The following HECW2 variants were observed in gnomAD, a reference collection of about 807,000 sequenced individuals.
HECW2 encodes HECT, C2 and WW domain containing E3 ubiquitin protein ligase 2, also known as E3 ubiquitin-protein ligase HECW2.
HECW2 carries 61 observed loss-of-function variants against 175.2 expected under a neutral mutation model. The observed-to-expected ratio is 0.35, with a 90% confidence interval of 0.28 to 0.43. The LOEUF (loss-of-function observed/expected upper bound fraction) is 0.43, where lower values mean the gene tolerates loss of function less well. HECW2 is among the 20% of genes least tolerant of loss of function. The pLI is 1.00. For missense variants in HECW2, 1,524 were observed against 2,000.5 expected, an observed-to-expected ratio of 0.76 and a Z score of 4.54; for synonymous variants, 671 against 731.0, an observed-to-expected ratio of 0.92 and a Z score of 1.32.
intron 14 of HECW2, among the ~76,000 whole-genome samples, chr2:196,280,138 T>C (rs772385883): frequency 6.6e-6 from 1 of 152,172 alleles, no homozygotes; most frequent in Non-Finnish European, 1.5e-5. Context: ...CATGATCAGA[T>C]AGTTAATTAG....
At chr2:196,560,852 T>C (rs1689976547) in intron 1 of HECW2, among the ~76,000 whole-genome samples, 1 of 152,216 alleles carries the variant, frequency 6.6e-6, no homozygotes, top group South Asian at 2.1e-4. Context: ...CCTATGCTTG[T>C]CTTTACTTTA....
intron 2 of HECW2, among the ~76,000 whole-genome samples, chr2:196,406,570 C>T (rs990631663): frequency 6.6e-6 from 1 of 152,216 alleles, no homozygotes; most frequent in Non-Finnish European, 1.5e-5. Context: ...AAATCCTGGT[C>T]TCCACTGTAC....
intron 1 of HECW2, among the ~76,000 whole-genome samples, chr2:196,518,311 A>G (rs1688221707): frequency 1.3e-5 from 2 of 152,204 alleles, no homozygotes; most frequent in African/African-American, 4.8e-5. Context: ...ATAAGATAAG[A>G]GCTAAGTAAT....
intron 10 of HECW2, among the ~76,000 whole-genome samples, chr2:196,311,846 C>A (rs1389336809): frequency 2.6e-5 from 4 of 152,042 alleles, no homozygotes; most frequent in Non-Finnish European, 4.4e-5. Flanking sequence ...TGCCTAAAAT[C>A]CAGGTGCAAG....
intron 13 of HECW2, among the ~76,000 whole-genome samples, chr2:196,296,521 T>C (rs1395817894): frequency 6.6e-6 from 1 of 152,214 alleles, no homozygotes; most frequent in African/African-American, 2.4e-5. Flanking sequence ...TTTTAGTCTT[T>C]GAAGATCCTG....
At chr2:196,325,553 G>A (rs1692119392) in intron 5 of HECW2, among the ~76,000 whole-genome samples, 1 of 152,106 alleles carries the variant, frequency 6.6e-6, no homozygotes, top group African/African-American at 2.4e-5. Flanking sequence ...ATGTAATTCG[G>A]CAACCAGAAT....
intron 17 of HECW2, among the ~76,000 whole-genome samples, chr2:196,261,951 T>C (rs570410689): frequency 1.3e-5 from 2 of 152,352 alleles, no homozygotes; most frequent in South Asian, 4.1e-4. Context: ...GTTTGAGAAA[T>C]GTTGTTAAAG....
intron 17 of HECW2, chr2:196,260,348 A>G (rs897367105): frequency 6.6e-6 from 1 of 152,186 alleles, no homozygotes; most frequent in Non-Finnish European, 1.5e-5. Context: ...ACACTGGAAC[A>G]TGTCGTCTGA....
At chr2:196,577,731 CTG>C (rs1183158523) in intron 1 of HECW2, among the ~76,000 whole-genome samples, 3 of 152,176 alleles carry the variant, frequency 2.0e-5, no homozygotes, top group Non-Finnish European at 4.4e-5. Context: ...TCAGCAATGA[CTG>C]AGATTTACTA....
chr2:196,231,507 G>C (rs1688055623), intron 21 of HECW2, among the ~76,000 whole-genome samples: 1 of 152,170 alleles, frequency 6.6e-6, no homozygotes, highest in Non-Finnish European at 1.5e-5. Flanking sequence ...AGTGTTACTG[G>C]AACACAGCTG....
At chr2:196,456,743 C>T (rs576575519) in intron 1 of HECW2, among the ~76,000 whole-genome samples, 2 of 152,240 alleles carry the variant, frequency 1.3e-5, no homozygotes, top group Middle Eastern at 6.8e-3. Context: ...CTAAGAAACT[C>T]CGGATTTACT....
chr2:196,510,147 G>C (rs900028968), intron 1 of HECW2, among the ~76,000 whole-genome samples: 1 of 152,052 alleles, frequency 6.6e-6, no homozygotes. Flanking sequence ...CATTCAGATG[G>C]GATAAGGTTA....
chr2:196,433,267 C>T lies in HECW2; in HGVS notation c.157G>A (p.Val53Met). ...AAGCTGGAGCGGCTCTCAGAAGTCACCAGGTCGGTGTCGCTGTTGGCCCGC... is the reference window on the plus strand; with the variant it reads ...AAGCTGGAGCGGCTCTCAGAAGTCATCAGGTCGGTGTCGCTGTTGGCCCGC... ...LQRANSDTDL[V>M]TSESRSSLTA... is the part of the protein sequence containing the mutation. The change falls in exon 2 of 29, where the codon GTG becomes ATG. Residue 53 changes from valine to methionine, a missense_variant. Coordinates refer to ENST00000644978, the MANE Select transcript of HECW2 (RefSeq NM_001348768.2). 6.2e-7 allele frequency: 1 copy of T among 1,614,164 alleles called. No homozygotes were observed. Among genetic ancestry groups the T allele is most frequent in the Non-Finnish European group, 8.5e-7 (1 of 1,180,024 alleles).
chr2:196,389,225 A>T (rs780824679), intron 2 of HECW2, among the ~76,000 whole-genome samples: 2 of 152,228 alleles, frequency 1.3e-5, no homozygotes, highest in Admixed American at 6.5e-5. Context: ...AATATTTAGC[A>T]CATGAAATTA....
chr2:196,461,819 A>G (rs1452504506), intron 1 of HECW2, among the ~76,000 whole-genome samples: 1 of 151,866 alleles, frequency 6.6e-6, no homozygotes, highest in Non-Finnish European at 1.5e-5. Context: ...TGATTCAACC[A>G]CCTCCACCTG....
At chr2:196,554,219 G>A (rs1034102788) in intron 1 of HECW2, among the ~76,000 whole-genome samples, 5 of 152,080 alleles carry the variant, frequency 3.3e-5, no homozygotes, top group African/African-American at 4.8e-5. Flanking sequence ...CCAGCTACTC[G>A]GGAGGCTGAG....
chr2:196,521,282 C>CAAAAAAAAAAAAAAAAAAAAAAA (rs1158051512), intron 1 of HECW2, among the ~76,000 whole-genome samples: 8 of 53,692 alleles, frequency 1.5e-4, no homozygotes, highest in Non-Finnish European at 1.6e-4. Context: ...ACGTGAGTAA[C>CAAAAAAAAAAAAAAAAAAAAAAA]AAAAAAAAAA....
chr2:196,545,187 C>A (rs994164733), intron 1 of HECW2, among the ~76,000 whole-genome samples: 2 of 152,170 alleles, frequency 1.3e-5, no homozygotes, highest in Admixed American at 1.3e-4. Flanking sequence ...CTCCCTCTTA[C>A]GAAATCACAA....
At chr2:196,206,424 T>C (rs1246238812) in intron 28 of HECW2, among the ~76,000 whole-genome samples, 2 of 152,196 alleles carry the variant, frequency 1.3e-5, no homozygotes, top group African/African-American at 4.8e-5. Flanking sequence ...TCCCTACAGA[T>C]AGACAAGTCA....
Sources: allele counts gnomAD v4.1 joint callset (sites outside exome capture counted in the v4.1 genomes callset), GRCh38; gene constraint gnomAD v4.1.1; transcripts MANE v1.5; gene names NCBI Gene and HGNC (gene_info 2026-07-23, HGNC 2026-07-21).